The following PTH2R variants were observed in gnomAD, a reference collection of about 807,000 sequenced individuals.
PTH2R encodes PTH2 receptor.
A neutral mutation model predicts 60.3 loss-of-function variants in PTH2R; 59 were observed. The ratio of observed to expected loss-of-function variants is 0.98; its 90% confidence interval spans 0.79 to 1.22. The LOEUF is 1.22. Ranked by LOEUF, PTH2R falls within the 50% of genes most tolerant of loss-of-function variation. The pLI is 0.00. For missense variants in PTH2R, 749 were observed against 682.6 expected, an observed-to-expected ratio of 1.10 and a Z score of -1.08; for synonymous variants, 256 against 243.8, an observed-to-expected ratio of 1.05 and a Z score of -0.47.
At chr2:208,388,274 G>A (rs1395517238) in intron 1 of PTH2R, among the ~76,000 whole-genome samples, 4 of 151,900 alleles carry the variant, frequency 2.6e-5, no homozygotes, top group South Asian at 2.1e-4. Context: ...TTGAGATCGC[G>A]CCACTGCACT....
In PTH2R at chr2:208,400,122, AT is replaced by A. The variant is rs200795263; in HGVS notation, c.-258-28075del. Among the ~76,000 whole-genome samples, 803 of 152,302 alleles carry A rather than the reference AT, an allele frequency of 5.3e-3. 17 individuals carry two copies. Among genetic ancestry groups the A allele is most frequent in the Admixed American group, 0.026 (404 of 15,298 alleles). On this transcript the variant is annotated intron_variant, in intron 1 of 12. Coordinates refer to the PTH2R transcript ENST00000617735. ...GTTAGTTCTTTCAGCGATTTGACCT[AT>A]TTTGTTTTTCAGAAAACACTTCTGT...
chr2:208,477,907 G>GTACTAGCACTAC (rs1290891075), intron 9 of PTH2R, among the ~76,000 whole-genome samples: 4 of 147,348 alleles, frequency 2.7e-5, no homozygotes, highest in African/African-American at 7.4e-5. Flanking sequence ...ACTACTACTA[G>GTACTAGCACTAC]TACTAGCACT....
At chr2:208,466,603 T>G (rs1220906818) in intron 9 of PTH2R, 1 of 152,192 alleles carries the variant, frequency 6.6e-6, no homozygotes, top group Non-Finnish European at 1.5e-5. Flanking sequence ...GCAATCTGCA[T>G]GGCATAGAGA....
intron 8 of PTH2R, among the ~76,000 whole-genome samples, chr2:208,452,607 G>C (rs1702428500): frequency 6.6e-6 from 1 of 152,148 alleles, no homozygotes; most frequent in African/African-American, 2.4e-5. Flanking sequence ...TCATAGGCCA[G>C]ATTAGGATGT....
At chr2:208,387,404 C>T (rs1230337129) in intron 1 of PTH2R, among the ~76,000 whole-genome samples, 1 of 152,162 alleles carries the variant, frequency 6.6e-6, no homozygotes, top group Admixed American at 6.5e-5. Flanking sequence ...ATGAATTGAA[C>T]AGGCAGTTAC....
rs906856424 is a variant in PTH2R at position 208,407,186 on chromosome 2, C to T, written c.75+68C>T. On this transcript the variant is annotated intron_variant, in intron 1 of 12. Coordinates refer to ENST00000272847, the MANE Select transcript of PTH2R (RefSeq NM_005048.4). ...CGGCGGGGACTCAGCTTTAGCGACACGGAGGCCAGGTGCGCGCGAGAGCTC... is the reference window on the plus strand; with the variant it reads ...CGGCGGGGACTCAGCTTTAGCGACATGGAGGCCAGGTGCGCGCGAGAGCTC... 3.8e-6 allele frequency: 5 copies of T among 1,326,680 alleles called. No homozygotes were observed. In the African/African-American group the frequency reaches 6.1e-5, roughly 16 times the overall value. The allele number at this position is 1,326,680 out of a possible 1,614,324, so 82.2% of individuals were successfully genotyped here.
chr2:208,461,596 A>C (rs1290630216), intron 9 of PTH2R, among the ~76,000 whole-genome samples: 2 of 152,196 alleles, frequency 1.3e-5, no homozygotes, highest in Non-Finnish European at 2.9e-5. Context: ...TATAATGATT[A>C]TATAATGATT....
At chr2:208,473,650 G>A (rs1192168426) in intron 9 of PTH2R, among the ~76,000 whole-genome samples, 2 of 152,128 alleles carry the variant, frequency 1.3e-5, no homozygotes, top group Non-Finnish European at 2.9e-5. Flanking sequence ...CTCATGGGGA[G>A]GGATGATCTA....
At chr2:208,447,645 T>TAAA (rs1702316118) in intron 7 of PTH2R, among the ~76,000 whole-genome samples, 1 of 131,076 alleles carries the variant, frequency 7.6e-6, no homozygotes, top group African/African-American at 2.8e-5. Context: ...AAATAAATAA[T>TAAA]AGGAAGGAAA....
In PTH2R at chr2:208,442,425, C is replaced by A; in HGVS notation, c.473C>A (p.Ser158Tyr). 1 of 1,613,200 alleles carries A rather than the reference C, an allele frequency of 6.2e-7. No individual in the cohort carries two copies. The highest frequency in any genetic ancestry group is 1.1e-5 in the South Asian group (1 of 91,056). ...YTVGYSISFG[S>Y]LAVAILIIGY... Reference sequence around the variant, plus strand: ...GTTGGCTACTCCATCTCTTTTGGTTCCTTGGCTGTGGCTATTCTCATCATT... The same window carrying A: ...GTTGGCTACTCCATCTCTTTTGGTTACTTGGCTGTGGCTATTCTCATCATT... The change falls in exon 5 of 13, where the codon TCC becomes TAC. Residue 158 changes from serine (S) to tyrosine (Y), a missense_variant. Transcript: ENST00000272847.
intron 10 of PTH2R, among the ~76,000 whole-genome samples, chr2:208,482,641 C>T (rs1010348010): frequency 1.1e-4 from 16 of 152,262 alleles, no homozygotes; most frequent in African/African-American, 3.8e-4. Flanking sequence ...ACAGTTGCAG[C>T]AAAAGCTGAT....
intron 10 of PTH2R, among the ~76,000 whole-genome samples, chr2:208,482,302 G>T (rs1439314070): frequency 6.6e-6 from 1 of 152,122 alleles, no homozygotes; most frequent in Non-Finnish European, 1.5e-5. Flanking sequence ...AGAAATAATA[G>T]ACACACACAA....
chr2:208,426,140 A>G (rs1279925899), intron 1 of PTH2R, among the ~76,000 whole-genome samples: 2 of 152,244 alleles, frequency 1.3e-5, no homozygotes, highest in Non-Finnish European at 2.9e-5. Context: ...ATGTCTTGAC[A>G]TTAAAATTGG....
At chr2:208,408,851 C>G (rs1701481080) in intron 1 of PTH2R, among the ~76,000 whole-genome samples, 1 of 152,036 alleles carries the variant, frequency 6.6e-6, no homozygotes, top group African/African-American at 2.4e-5. Context: ...TTGAATACTT[C>G]TATAACTTTA....
chr2:208,394,655 A>T (rs1559207009), intron 1 of PTH2R, among the ~76,000 whole-genome samples: 1 of 152,156 alleles, frequency 6.6e-6, no homozygotes, highest in African/African-American at 2.4e-5. Flanking sequence ...AAAAAAATGG[A>T]TCTCAAGAAA....
chr2:208,461,125 C>G (rs950206944), intron 9 of PTH2R, among the ~76,000 whole-genome samples: 2 of 152,126 alleles, frequency 1.3e-5, no homozygotes, highest in African/African-American at 2.4e-5. Context: ...TTTAGAGAAG[C>G]TATTTTGTAT....
At position 208,493,957 on chromosome 2, in the gene PTH2R, A is replaced by G. The variant is rs542801927; in HGVS notation, c.*298A>G. ...TACTTTTGGGTAGAAAAAAGATTCA[A>G]TTGCTTGGCTGTAGCTTTCTCTCAT... On this transcript the variant is annotated 3_prime_UTR_variant, in exon 13 of 13. Transcript: ENST00000272847. 8.1e-5 allele frequency: 20 copies of G among 246,446 alleles called. No individual in the cohort carries two copies. The highest frequency in any genetic ancestry group is 4.1e-4 in the Admixed American group (8 of 19,300). 15.3% of individuals were successfully genotyped at this position (246,446 alleles called of 1,614,324 possible). A position where few individuals can be genotyped will look rare whatever the true frequency, so the allele number is the denominator to read the frequency against.
chr2:208,489,644 T>A (rs1703358697), intron 11 of PTH2R, among the ~76,000 whole-genome samples: 1 of 152,166 alleles, frequency 6.6e-6, no homozygotes, highest in Non-Finnish European at 1.5e-5. Flanking sequence ...AGTCCACATA[T>A]GATAGTCTGG....
intron 9 of PTH2R, among the ~76,000 whole-genome samples, chr2:208,460,833 A>C (rs536406255): frequency 6.6e-6 from 1 of 152,288 alleles, no homozygotes; most frequent in South Asian, 2.1e-4. Context: ...GTTAAATTAG[A>C]AAACAATGTA....
Sources: gnomAD v4.1 joint callset for allele counts (sites outside exome capture counted in the v4.1 genomes callset) on GRCh38, gnomAD v4.1.1 for gene constraint, MANE v1.5 for transcripts, NCBI Gene and HGNC (gene_info 2026-07-23, HGNC 2026-07-21) for gene names.